The following UGT2B17 variants were observed in gnomAD, a reference collection of about 807,000 sequenced individuals.
UGT2B17 encodes the protein UDP-glucuronosyltransferase 2B17.
In UGT2B17, 21 loss-of-function variants were observed where a neutral mutation model predicts 48.2. The ratio of observed to expected loss-of-function variants is 0.44; its 90% confidence interval spans 0.31 to 0.63. The LOEUF is 0.63. UGT2B17 is among the 20% of genes least tolerant of loss of function. The probability of loss-of-function intolerance (pLI) is 0.08; values close to 1 mark genes in which losing one functional copy is unlikely to be tolerated. For synonymous variants in UGT2B17, 146 were observed against 238.4 expected, an observed-to-expected ratio of 0.61 and a Z score of 3.57; for missense variants, 402 against 696.1, an observed-to-expected ratio of 0.58 and a Z score of 4.75.
chr4:68,556,174 G>A lies in UGT2B17; in HGVS notation c.1006-4263C>T, dbSNP rs1283616848. ...ATTATAATGGTGTTTCTACAGATTG[G>A]GCTTGATGTAAAAAAAGCACTTATG... is the stretch of plus-strand genomic sequence containing the variant. On this transcript the variant is annotated intron_variant, in intron 4 of 6. Coordinates refer to ENST00000317746, the MANE Select transcript of UGT2B17 (RefSeq NM_001077.4). Among the ~76,000 whole-genome samples the A allele has an allele frequency of 1.6e-5, 2 of 123,468 alleles. 1 individual carries two copies. Among genetic ancestry groups the A allele is most frequent in the Non-Finnish European group, 3.4e-5 (2 of 58,476 alleles). The allele number at this position is 123,468 out of a possible 152,430, so 81.0% of individuals were successfully genotyped here. A position where few individuals can be genotyped will look rare whatever the true frequency, so the allele number is the denominator to read the frequency against.
Position 68,540,196 on chromosome 4 carries a change from C to CAT in UGT2B17, c.1314-2294_1314-2293dup, listed in dbSNP as rs1369639372. ...TGTGCAATATATATACACACACACA[C>CAT]ATATAACACATAGGTTACATTTAAT... On this transcript the variant is annotated intron_variant, in intron 6 of 6. Coordinates refer to ENST00000317746, the MANE Select transcript of UGT2B17 (RefSeq NM_001077.4). Among the ~76,000 whole-genome samples, 6 of 125,306 alleles carry CAT rather than the reference C, an allele frequency of 4.8e-5. 2 individuals carry two copies. Among genetic ancestry groups the CAT allele is most frequent in the Non-Finnish European group, 8.4e-5 (5 of 59,284 alleles). 82.2% of individuals were successfully genotyped at this position (125,306 alleles called of 152,430 possible).
Position 68,538,318 on chromosome 4 carries a change from C to T in UGT2B17, c.1314-414G>A, listed in dbSNP as rs1730591736. On this transcript the variant is annotated intron_variant, in intron 6 of 6. Coordinates refer to ENST00000317746, the MANE Select transcript of UGT2B17 (RefSeq NM_001077.4). ...TCACATGATCATGGCTCAGTGCAGC[C>T]TTTCCGTTTCGGTCTCAGGTAATCC... Among the ~76,000 whole-genome samples, 2 of 124,820 alleles carry T rather than the reference C, an allele frequency of 1.6e-5. 1 individual carries two copies. Among genetic ancestry groups the T allele is most frequent in the South Asian group, 7.6e-4 (2 of 2,628 alleles). The allele number at this position is 124,820 out of a possible 152,430, so 81.9% of individuals were successfully genotyped here.
rs1392344349 is a variant in UGT2B17, at chr4:68,550,822, G to A, written c.1168C>T (p.Pro390Ser). The part of the protein sequence containing the change: ...GIYEAIYHGI[P>S]MVGIPLFADQ... ...GCAAACAAGGGAATGCCCACCATAGGGATCCCATGGTAGATTGCCTCATAG... is the reference window on the plus strand; with the variant it reads ...GCAAACAAGGGAATGCCCACCATAGAGATCCCATGGTAGATTGCCTCATAG... Residue 390 changes from proline (P) to serine (S), a missense_variant, in exon 6 of 7, where the codon CCT (proline) becomes TCT (serine). Around this residue, in one of 5 missense-constraint regions of UGT2B17, gnomAD observed 156 missense variants for 258.6 expected, o/e 0.60. Transcript: ENST00000317746. 4.3e-6 allele frequency: 6 copies of A among 1,385,122 alleles called. 2 individuals carry two copies. The highest frequency in any genetic ancestry group is 1.7e-5 in the South Asian group (1 of 60,050). The allele number at this position is 1,385,122 out of a possible 1,614,324, so 85.8% of individuals were successfully genotyped here.
At chr4:68,547,687 G>T (rs1251361305) in intron 6 of UGT2B17, among the ~76,000 whole-genome samples, 1 of 121,796 alleles carries the variant, frequency 8.2e-6, no homozygotes, top group Non-Finnish European at 1.7e-5. Flanking sequence ...CTGACAAAGG[G>T]CTAATATCCA....
rs1365663588 is a variant in UGT2B17, at chr4:68,545,688, A to G, written c.1313+4989T>C. 3.2e-5 allele frequency among the ~76,000 whole-genome samples: 4 copies of G among 126,204 alleles called. 2 individuals are homozygous for G. Among genetic ancestry groups the G allele is most frequent in the South Asian group, 7.5e-4 (2 of 2,676 alleles). 82.8% of individuals were successfully genotyped at this position (126,204 alleles called of 152,430 possible). A position where few individuals can be genotyped will look rare whatever the true frequency, so the allele number is the denominator to read the frequency against. On this transcript the variant is annotated intron_variant, in intron 6 of 6. Transcript: ENST00000317746. ...TTGATAGACTGCTAGCAAGACTAAT[A>G]AAGAAGAAAAGAGAGACGAATCAAA...
At position 68,543,117 on chromosome 4, in the gene UGT2B17, G is replaced by C. The variant is rs1730711748; in HGVS notation, c.1314-5213C>G. 1.6e-5 allele frequency among the ~76,000 whole-genome samples: 2 copies of C among 126,250 alleles called. 1 individual carries two copies. The highest frequency in any genetic ancestry group is 1.6e-4 in the Admixed American group (2 of 12,348). The allele number at this position is 126,250 out of a possible 152,430, so 82.8% of individuals were successfully genotyped here. ...GTGGTTCTCCCAGCACGCAGCTTGA[G>C]ATCTGAGAATGGACAGACTGCTACT... On this transcript the variant is annotated intron_variant, in intron 6 of 6. Transcript: ENST00000317746.
rs562436518 is a variant in UGT2B17, at chr4:68,553,015, C to T, written c.1006-1104G>A. Among the ~76,000 whole-genome samples the T allele has an allele frequency of 1.6e-5, 2 of 125,126 alleles. 1 individual carries two copies. The highest frequency in any genetic ancestry group is 7.6e-4 in the South Asian group (2 of 2,626). The allele number at this position is 125,126 out of a possible 152,430, so 82.1% of individuals were successfully genotyped here. ...GACAGAGGGCAGTTTTAGCCTGAAA[C>T]CCATCCGTAGGTAAATAGCTGAATT... On this transcript the variant is annotated intron_variant, in intron 4 of 6. Coordinates refer to ENST00000317746, the MANE Select transcript of UGT2B17 (RefSeq NM_001077.4).
At chr4:68,540,081 C>T (rs1730626925) in intron 6 of UGT2B17, among the ~76,000 whole-genome samples, 1 of 124,130 alleles carries the variant, frequency 8.1e-6, no homozygotes, top group Non-Finnish European at 1.7e-5. Context: ...CCACCACACC[C>T]AGTCTCCATA....
At position 68,569,455 on chromosome 4, in the gene UGT2B17, G is replaced by T. The variant is rs1194655656; in HGVS notation, c.-64-907C>A. Among the ~76,000 whole-genome samples the T allele has an allele frequency of 2.8e-4, 35 of 125,702 alleles. 7 individuals carry two copies. The highest frequency in any genetic ancestry group is 8.7e-4 in the African/African-American group (32 of 36,574). The allele number at this position is 125,702 out of a possible 152,430, so 82.5% of individuals were successfully genotyped here. On this transcript the variant is annotated intron_variant, in intron 1 of 6. Transcript: ENST00000317746. ...ATAGGGGTAGAGGAAGTAGCAGAAA[G>T]GTACTGGGAGCTCTCTGGATACCCA...
chr4:68,563,656 A>C (rs374006569), intron 3 of UGT2B17, among the ~76,000 whole-genome samples: 1 of 126,348 alleles, frequency 7.9e-6, no homozygotes, highest in African/African-American at 2.7e-5. Context: ...CCCCCTGCTA[A>C]TGGCACTATC....
rs551499235 is a variant in UGT2B17, at chr4:68,574,153, AT to A, written c.-65+1797del. Among the ~76,000 whole-genome samples the A allele has an allele frequency of 7.4e-4, 94 of 127,322 alleles. 18 individuals are homozygous for A. The highest frequency in any genetic ancestry group is 2.4e-3 in the African/African-American group (89 of 37,228). The allele number at this position is 127,322 out of a possible 152,430, so 83.5% of individuals were successfully genotyped here. On this transcript the variant is annotated intron_variant, in intron 1 of 6. Transcript: ENST00000317746. Reference sequence around the variant, plus strand: ...ATTTGTAGCTTGATATACTGTCTTAATTGCTAAAGTTTGTTTTAAGTCTTTA... The same window carrying A: ...ATTTGTAGCTTGATATACTGTCTTAATGCTAAAGTTTGTTTTAAGTCTTTA...
In UGT2B17 at chr4:68,556,128, G is replaced by C. The variant is rs528304427; in HGVS notation, c.1006-4217C>G. Reference sequence around the variant, plus strand: ...ATTAAAAAAACTTTTATATGATCAAGTTGTCTATAATTAAAGGGAAATTAT... The same window carrying C: ...ATTAAAAAAACTTTTATATGATCAACTTGTCTATAATTAAAGGGAAATTAT... On this transcript the variant is annotated intron_variant, in intron 4 of 6. Transcript: ENST00000317746. 2.4e-5 allele frequency among the ~76,000 whole-genome samples: 3 copies of C among 123,720 alleles called. No individual in the cohort carries two copies. The Admixed American group carries it at 2.5e-4, about 10-fold the overall frequency. 81.2% of individuals were successfully genotyped at this position (123,720 alleles called of 152,430 possible).
chr4:68,544,493 C>A lies in UGT2B17; in HGVS notation c.1313+6184G>T, dbSNP rs774215989. 7.1e-5 allele frequency among the ~76,000 whole-genome samples: 9 copies of A among 126,052 alleles called. 3 individuals are homozygous for A. The highest frequency in any genetic ancestry group is 2.4e-4 in the African/African-American group (9 of 36,936). The allele number at this position is 126,052 out of a possible 152,430, so 82.7% of individuals were successfully genotyped here. ...TGGTACCAGCCACTGCAAAAACATG[C>A]CAAATGATAAAGACCACTGAGGCTA... On this transcript the variant is annotated intron_variant, in intron 6 of 6. Transcript: ENST00000317746.
chr4:68,569,630 G>T (rs1731268646), intron 1 of UGT2B17, among the ~76,000 whole-genome samples: 1 of 125,336 alleles, frequency 8.0e-6, no homozygotes, highest in Non-Finnish European at 1.7e-5. Context: ...AAGGCTGCTT[G>T]CATCAGCAGC....
rs1208056981 is a variant in UGT2B17 at position 68,543,040 on chromosome 4, C to T, written c.1314-5136G>A. Among the ~76,000 whole-genome samples, 6 of 126,480 alleles carry T rather than the reference C, an allele frequency of 4.7e-5. 3 individuals are homozygous for T. Among genetic ancestry groups the T allele is most frequent in the Admixed American group, 1.6e-4 (2 of 12,444 alleles). The allele number at this position is 126,480 out of a possible 152,430, so 83.0% of individuals were successfully genotyped here. A position where few individuals can be genotyped will look rare whatever the true frequency, so the allele number is the denominator to read the frequency against. ...CAGGGCATAACCAAACAAAAGGCAG[C>T]AGAAACCTCTGCAGTCTTAAATGTC... On this transcript the variant is annotated intron_variant, in intron 6 of 6. Transcript: ENST00000317746.
chr4:68,568,646 A>C, intron 1 of UGT2B17, 98 bp from the exon 2 acceptor site: 2 of 732,430 alleles, frequency 2.7e-6, no homozygotes, highest in South Asian at 4.3e-5. Context: ...ATTTACAATT[A>C]CTCTAGTCAA....
rs921970976 is a variant in UGT2B17, at chr4:68,575,930, A to G, written c.-65+21T>C. 6.3e-5 allele frequency among the ~76,000 whole-genome samples: 8 copies of G among 126,304 alleles called. 2 individuals carry two copies. Among genetic ancestry groups the G allele is most frequent in the African/African-American group, 2.2e-4 (8 of 36,830 alleles). The allele number at this position is 126,304 out of a possible 152,430, so 82.9% of individuals were successfully genotyped here. ...GCTTCTACTCAGGTGGAGTGGGACAAGTTCAAAAGACTAGTCTTACCAAGT... is the reference window on the plus strand; with the variant it reads ...GCTTCTACTCAGGTGGAGTGGGACAGGTTCAAAAGACTAGTCTTACCAAGT... On this transcript the variant is annotated intron_variant, in intron 1 of 6. Transcript: ENST00000317746.
At chr4:68,567,532 T>C (rs1731221036) in intron 2 of UGT2B17, among the ~76,000 whole-genome samples, 1 of 126,046 alleles carries the variant, frequency 7.9e-6, no homozygotes, top group African/African-American at 2.7e-5. Context: ...GTGTTTTACA[T>C]TGAAGGTTTA....
In UGT2B17 at chr4:68,573,360, C is replaced by T; in HGVS notation, c.-65+2591G>A. 1.6e-5 allele frequency among the ~76,000 whole-genome samples: 2 copies of T among 123,348 alleles called. 1 individual carries two copies. Among genetic ancestry groups the T allele is most frequent in the Non-Finnish European group, 3.4e-5 (2 of 58,918 alleles). 80.9% of individuals were successfully genotyped at this position (123,348 alleles called of 152,430 possible). On this transcript the variant is annotated intron_variant, in intron 1 of 6. Coordinates refer to ENST00000317746, the MANE Select transcript of UGT2B17 (RefSeq NM_001077.4). ...AGGTCAGGTAGCCTCAGGGCTGGGG[C>T]CGACATGAGTTTTTTTTTTTTTTTT...
Sources: allele counts gnomAD v4.1 joint callset (sites outside exome capture counted in the v4.1 genomes callset), GRCh38; gene constraint gnomAD v4.1.1; regional missense constraint gnomAD v4.1.1; transcripts MANE v1.5; gene names NCBI Gene and HGNC (gene_info 2026-07-23, HGNC 2026-07-21).